MGAT5: variants seen among roughly 807,000 people sequenced by gnomAD.
The protein encoded by MGAT5 is alpha-1,6-mannosylglycoprotein 6-beta-N-acetylglucosaminyltransferase A.
In MGAT5, 30 loss-of-function variants were observed where a neutral mutation model predicts 94.3. That is an observed-to-expected ratio of 0.32 (90% CI 0.24 to 0.43). MGAT5 has a LOEUF of 0.43. Ranked by LOEUF, MGAT5 falls within the 20% of genes least tolerant of loss-of-function variation. MGAT5 has a pLI of 1.00. For missense variants in MGAT5, 691 were observed against 905.5 expected (o/e 0.76, Z 3.04); for synonymous variants, 310 against 322.9 (o/e 0.96, Z 0.43).
intron 8 of MGAT5, among the ~76,000 whole-genome samples, chr2:134,346,073 A>T (rs952021133): frequency 1.3e-5 from 2 of 152,156 alleles, no homozygotes; most frequent in African/African-American, 2.4e-5. Flanking sequence ...CTTTTGCATG[A>T]GGTGTTTTTC....
intron 1 of MGAT5, among the ~76,000 whole-genome samples, chr2:134,186,147 C>T (rs1305580416): frequency 6.6e-6 from 1 of 152,242 alleles, no homozygotes; most frequent in Non-Finnish European, 1.5e-5. Context: ...TCCTGCCTGT[C>T]TCCCCAAATG....
chr2:134,225,330 T>G (rs1681006971), intron 1 of MGAT5, among the ~76,000 whole-genome samples: 1 of 152,170 alleles, frequency 6.6e-6, no homozygotes. Flanking sequence ...TCCTTAGGCC[T>G]GCTGATTCAG....
intron 11 of MGAT5, among the ~76,000 whole-genome samples, chr2:134,403,765 G>T (rs1443344016): frequency 6.6e-6 from 1 of 152,224 alleles, no homozygotes; most frequent in Admixed American, 6.5e-5. Context: ...AGCCAACCCA[G>T]CTAGTCTAAG....
At chr2:134,330,554 A>AGTGTGTGTGTGTGT (rs34688054) in intron 4 of MGAT5, among the ~76,000 whole-genome samples, 7,794 of 148,484 alleles carry the variant, frequency 0.052, 507 homozygotes, top group African/African-American at 0.15. Flanking sequence ...TAAATTGTGT[A>AGTGTGTGTGTGTGT]GTGTGTGTGT....
upstream of MGAT5, among the ~76,000 whole-genome samples, chr2:134,252,478 G>T (rs528508440): frequency 6.6e-6 from 1 of 152,326 alleles, no homozygotes; most frequent in African/African-American, 2.4e-5. Flanking sequence ...GCCTGGTCAA[G>T]GGCTCTGAAA....
rs1686259404 is a variant in MGAT5 at position 134,454,353 on chromosome 2, A to G, written c.*5506A>G. The G allele has an allele frequency of 6.6e-6, 1 of 152,208 alleles. No individual in the cohort carries two copies. The allele number at this position is 152,208 out of a possible 1,614,324, so 9.4% of individuals were successfully genotyped here. A position where few individuals can be genotyped will look rare whatever the true frequency, so the allele number is the denominator to read the frequency against. On this transcript the variant is annotated 3_prime_UTR_variant, in exon 16 of 16. Transcript: ENST00000281923. ...TATTAATAGCATAATAGTTGATGCCAAAGGAGATGGTGACGTCCCTTCCAC... is the reference window on the plus strand; with the variant it reads ...TATTAATAGCATAATAGTTGATGCCGAAGGAGATGGTGACGTCCCTTCCAC...
intron 1 of MGAT5, among the ~76,000 whole-genome samples, chr2:134,169,409 CACAG>C (rs201762633): frequency 5.0e-4 from 59 of 117,862 alleles, no homozygotes; most frequent in African/African-American, 1.5e-3. Context: ...CACACACACA[CACAG>C]ACACACACAC....
At chr2:134,140,222 G>T (rs1285741897) in intron 1 of MGAT5, among the ~76,000 whole-genome samples, 1 of 152,168 alleles carries the variant, frequency 6.6e-6, no homozygotes, top group African/African-American at 2.4e-5. Context: ...AAAACAGGGA[G>T]AAAAAGAAAA....
chr2:134,406,937 C>T (rs1683374491), intron 11 of MGAT5, among the ~76,000 whole-genome samples: 1 of 152,108 alleles, frequency 6.6e-6, no homozygotes, highest in Non-Finnish European at 1.5e-5. Flanking sequence ...AGCAGACTCT[C>T]CTGCAGCTGC....
At chr2:134,164,810 C>T (rs1018238840) in intron 1 of MGAT5, among the ~76,000 whole-genome samples, 2 of 150,732 alleles carry the variant, frequency 1.3e-5, no homozygotes, top group African/African-American at 4.9e-5. Flanking sequence ...CACTCTGTTC[C>T]AGCCTGGGCA....
rs72976174 is a variant in MGAT5 at position 134,277,081 on chromosome 2, A to G, written c.406+6531A>G. Among the ~76,000 whole-genome samples, 906 of 152,188 alleles carry G rather than the reference A, an allele frequency of 6.0e-3. 12 individuals carry two copies. The highest frequency in any genetic ancestry group is 0.02 in the African/African-American group (844 of 41,520). ...TAAAGGCAGTTGAAACTTTGATGCT[A>G]GTGTTGAGGGGATGAGGGACAATGA... On this transcript the variant is annotated intron_variant, in intron 2 of 15. Transcript: ENST00000281923.
chr2:134,363,656 G>C (rs1680242881), intron 10 of MGAT5, among the ~76,000 whole-genome samples: 1 of 152,230 alleles, frequency 6.6e-6, no homozygotes, highest in Non-Finnish European at 1.5e-5. Flanking sequence ...TGAATGGGAT[G>C]GCCCCTGGCA....
At position 134,218,665 on chromosome 2, in the gene MGAT5, T is replaced by G. The variant is rs139102892; in HGVS notation, c.-142-35597T>G. On this transcript the variant is annotated intron_variant, in intron 1 of 16. Coordinates refer to the MGAT5 transcript ENST00000409645. Reference sequence around the variant, plus strand: ...CATGCAGTACCTTTGGAGGCCCAGGTTGGGACCTGGTGTACTGTGACTTCT... The same window carrying G: ...CATGCAGTACCTTTGGAGGCCCAGGGTGGGACCTGGTGTACTGTGACTTCT... Among the ~76,000 whole-genome samples, 23 of 152,184 alleles carry G rather than the reference T, an allele frequency of 1.5e-4. 2 individuals are homozygous for G. The highest frequency in any genetic ancestry group is 5.5e-4 in the African/African-American group (23 of 41,504).
chr2:134,319,683 C>T (rs1018757644), intron 4 of MGAT5: 3 of 356,276 alleles, frequency 8.4e-6, no homozygotes, highest in Non-Finnish European at 1.7e-5. Context: ...TTCAGGTCCT[C>T]TATGCCATCA....
At chr2:134,375,571 C>T (rs1250630345) in intron 10 of MGAT5, among the ~76,000 whole-genome samples, 1 of 152,194 alleles carries the variant, frequency 6.6e-6, no homozygotes, top group African/African-American at 2.4e-5. Flanking sequence ...TGATTCTTGT[C>T]ATCCAGAACC....
At chr2:134,350,804 A>C (rs1679332628) in intron 9 of MGAT5, among the ~76,000 whole-genome samples, 1 of 152,158 alleles carries the variant, frequency 6.6e-6, no homozygotes. Context: ...CACATGAGAT[A>C]ATTTGGTTGA....
chr2:134,217,170 ACG>A (rs1558992043), intron 1 of MGAT5, among the ~76,000 whole-genome samples: 1 of 151,278 alleles, frequency 6.6e-6, no homozygotes, highest in East Asian at 2.0e-4. Flanking sequence ...TTCATAACTT[ACG>A]CTATTGCTGG....
intron 2 of MGAT5, among the ~76,000 whole-genome samples, chr2:134,310,050 A>G (rs185292905): frequency 6.6e-6 from 1 of 152,204 alleles, no homozygotes; most frequent in Non-Finnish European, 1.5e-5. Context: ...AAAGCTATAC[A>G]TAGAGAACCC....
intron 10 of MGAT5, among the ~76,000 whole-genome samples, chr2:134,389,243 A>G (rs969251082): frequency 6.6e-6 from 1 of 152,208 alleles, no homozygotes; most frequent in Non-Finnish European, 1.5e-5. Context: ...AAGTGTCTTT[A>G]TGAACTCACT....
Sources: allele counts gnomAD v4.1 joint callset (sites outside exome capture counted in the v4.1 genomes callset), GRCh38; gene constraint gnomAD v4.1.1; transcripts MANE v1.5; gene names NCBI Gene and HGNC (gene_info 2026-07-23, HGNC 2026-07-21).